CDC123: variants seen among roughly 807,000 people sequenced by gnomAD.
CDC123 encodes the protein translation initiation factor eIF2 assembly protein.
In CDC123, 37 loss-of-function variants were observed where a neutral mutation model predicts 54.4. The observed-to-expected ratio is 0.68, with a 90% CI of 0.52 to 0.89. The LOEUF is 0.89. CDC123 is among the 40% of genes least tolerant of loss of function. The probability of loss-of-function intolerance (pLI) is 0.00; values close to 1 mark genes in which losing one functional copy is unlikely to be tolerated. For synonymous variants in CDC123, 144 were observed against 136.8 expected (o/e 1.05, Z -0.37); for missense variants, 361 against 412.1 (o/e 0.88, Z 1.07).
In CDC123 at chr10:12,247,844, C is replaced by CA. The variant is rs532339138; in HGVS notation, c.846+1577dup. The CA allele has an allele frequency of 7.8e-4, 116 of 149,402 alleles. No individual in the cohort carries two copies. In the Middle Eastern group the frequency reaches 0.014, roughly 18 times the overall value. The allele number at this position is 149,402 out of a possible 1,614,324, so 9.3% of individuals were successfully genotyped here. On this transcript the variant is annotated intron_variant, in intron 11 of 12. Coordinates refer to ENST00000281141, the MANE Select transcript of CDC123 (RefSeq NM_006023.3). Reference sequence around the variant, plus strand: ...TGAAAACCTGTCTCTACTAAAAATACAAAAAAAAAATTAGCCGGGCGTGGT... The same window carrying CA: ...TGAAAACCTGTCTCTACTAAAAATACAAAAAAAAAAATTAGCCGGGCGTGGT...
chr10:12,229,965 C>T (rs931067497), intron 6 of CDC123, among the ~76,000 whole-genome samples: 19 of 148,676 alleles, frequency 1.3e-4, no homozygotes, highest in African/African-American at 3.6e-4. Flanking sequence ...TGGACAATGA[C>T]AGTGCCTTCC....
intron 2 of CDC123, 135 bp from the exon 3 acceptor site, chr10:12,209,832 A>C: frequency 1.3e-6 from 1 of 767,136 alleles, no homozygotes; most frequent in Non-Finnish European, 2.2e-6. Context: ...CCAGAGTGCT[A>C]GGATTACAGG....
rs1000642056 is a variant in CDC123 at position 12,206,872 on chromosome 10, T to C, written c.147-3095T>C. ...TACTCGGGAGGCTGAGGCAGGAGAA[T>C]GGCCTGAACCCGGGAGGTAGACCTT... is the stretch of plus-strand genomic sequence containing the variant. On this transcript the variant is annotated intron_variant, in intron 2 of 12. Transcript: ENST00000281141. Among the ~76,000 whole-genome samples, 3 of 147,222 alleles carry C rather than the reference T, an allele frequency of 2.0e-5. No individual in the cohort carries two copies. The Admixed American group carries it at 2.1e-4, about 10-fold the overall frequency.
Position 12,209,820 on chromosome 10 carries a change from T to A in CDC123, c.147-147T>A. 9.8e-6 allele frequency: 7 copies of A among 715,658 alleles called. No individual in the cohort carries two copies. The South Asian group carries it at 9.9e-5, about 10-fold the overall frequency. 44.3% of individuals were successfully genotyped at this position (715,658 alleles called of 1,614,324 possible). On this transcript the variant is annotated intron_variant, in intron 2 of 12. Transcript: ENST00000281141. Reference sequence around the variant, plus strand: ...CCTCAAGCGATCCACTCACTCAGCCTGCCAGAGTGCTAGGATTACAGGTGT... The same window carrying A: ...CCTCAAGCGATCCACTCACTCAGCCAGCCAGAGTGCTAGGATTACAGGTGT...
At chr10:12,238,315 A>C (rs1160814944) in intron 9 of CDC123, 142 bp from the exon 10 acceptor site, 1 of 843,334 alleles carries the variant, frequency 1.2e-6, no homozygotes. Flanking sequence ...TTATGTTTGA[A>C]GTTTTGAGGT....
chr10:12,249,549 G>T, intron 11 of CDC123, 32 bp from the exon 12 acceptor site: 1 of 1,597,024 alleles, frequency 6.3e-7, no homozygotes, highest in South Asian at 1.1e-5. Flanking sequence ...ATAAATGATT[G>T]ATATTCTTTC....
At position 12,217,406 on chromosome 10, in the gene CDC123, C is replaced by G. The variant is rs1835676815; in HGVS notation, c.379C>G (p.Leu127Val). Residue 127 changes from leucine (L) to valine (V), a missense_variant, in exon 6 of 13, where the codon CTC (leucine) becomes GTC (valine). Transcript: ENST00000281141. The stretch of plus-strand genomic sequence containing the variant: ...GAATAGTTCTCTGAAATGTAAAACC[C>G]TCAGCGACATCTTTCTGCTTTTCAA... Reference protein sequence around the residue: ...AMNSSLKCKTLSDIFLLFKSS... With the variant: ...AMNSSLKCKTVSDIFLLFKSS... 1 of 1,613,876 alleles carries G rather than the reference C, an allele frequency of 6.2e-7. No homozygotes were observed. The highest frequency in any genetic ancestry group is 1.3e-5 in the African/African-American group (1 of 74,922).
At position 12,211,019 on chromosome 10, in the gene CDC123, G is replaced by A. The variant is rs564235881; in HGVS notation, c.237+697G>A. Among the ~76,000 whole-genome samples the A allele has an allele frequency of 6.6e-5, 10 of 152,160 alleles. No homozygotes were observed. The East Asian group carries it at 1.9e-3, about 29-fold the overall frequency. Reference sequence around the variant, plus strand: ...ACCTGGCCTCAAGCGTATTTAAATGGCATAAAAATTACTGTTTCTTTCAAG... The same window carrying A: ...ACCTGGCCTCAAGCGTATTTAAATGACATAAAAATTACTGTTTCTTTCAAG... On this transcript the variant is annotated intron_variant, in intron 4 of 12. Transcript: ENST00000281141.
chr10:12,237,336 G>A, intron 9 of CDC123, 70 bp downstream of exon 9: 1 of 1,281,300 alleles, frequency 7.8e-7, no homozygotes, highest in Non-Finnish European at 1.0e-6. Flanking sequence ...TATTTACTAT[G>A]GTGTGTATCC....
intron 10 of CDC123, among the ~76,000 whole-genome samples, chr10:12,240,362 C>T (rs2131764740): frequency 6.6e-6 from 1 of 152,324 alleles, no homozygotes; most frequent in South Asian, 2.1e-4. Flanking sequence ...CTCATTCTCT[C>T]TCCGTGCTTA....
At chr10:12,196,949 A>G (rs757477210) in intron 1 of CDC123, among the ~76,000 whole-genome samples, 1 of 152,252 alleles carries the variant, frequency 6.6e-6, no homozygotes, top group South Asian at 2.1e-4. Flanking sequence ...AAAGGCGTTG[A>G]TAGAAAATCT....
At chr10:12,212,132 C>T (rs1218029073) in intron 4 of CDC123, among the ~76,000 whole-genome samples, 2 of 152,224 alleles carry the variant, frequency 1.3e-5, no homozygotes, top group African/African-American at 2.4e-5. Context: ...ATGATAGATA[C>T]AGCAATTAAT....
intron 6 of CDC123, among the ~76,000 whole-genome samples, chr10:12,219,160 G>A (rs865906927): frequency 1.3e-5 from 2 of 152,192 alleles, no homozygotes; most frequent in Non-Finnish European, 2.9e-5. Context: ...CGTGTCGGTC[G>A]TGCATCAACT....
At chr10:12,246,359 C>T (rs1391018914) in intron 11 of CDC123, 82 bp downstream of exon 11, 29 of 1,498,320 alleles carry the variant, frequency 1.9e-5, no homozygotes, top group Admixed American at 1.6e-4. Flanking sequence ...CATAGGTAGG[C>T]GGCAATGGCC....
rs1039406626 is a variant in CDC123 at position 12,246,072 on chromosome 10, A to G, written c.718-77A>G. 1.5e-5 allele frequency: 23 copies of G among 1,494,968 alleles called. No individual in the cohort carries two copies. The South Asian group carries it at 2.2e-4, about 14-fold the overall frequency. 92.6% of individuals were successfully genotyped at this position (1,494,968 alleles called of 1,614,324 possible). A position where few individuals can be genotyped will look rare whatever the true frequency, so the allele number is the denominator to read the frequency against. ...GCAACAGCATGAGACCCTGTCTCAG[A>G]ATAAAAAAGTGTTTCTTTCTCAGAA... On this transcript the variant is annotated intron_variant, in intron 10 of 12. Coordinates refer to ENST00000281141, the MANE Select transcript of CDC123 (RefSeq NM_006023.3).
chr10:12,208,586 T>G (rs369717571), intron 2 of CDC123, among the ~76,000 whole-genome samples: 1 of 152,198 alleles, frequency 6.6e-6, no homozygotes, highest in Non-Finnish European at 1.5e-5. Context: ...GTACTTGTGC[T>G]GTGTCCTGAA....
At chr10:12,250,018 C>T in intron 12 of CDC123, 1 of 478,122 alleles carries the variant, frequency 2.1e-6, no homozygotes. Flanking sequence ...GAGAGCAGGT[C>T]TCTGCTCTGG....
chr10:12,235,161 G>A (rs1175748108), intron 8 of CDC123, 38 bp downstream of exon 8: 3 of 1,525,968 alleles, frequency 2.0e-6, no homozygotes, highest in African/African-American at 2.7e-5. Context: ...ATCCTTCAAA[G>A]TCATCTTTAA....
chr10:12,210,001 G>A lies in CDC123; in HGVS notation c.181G>A (p.Asp61Asn). The change falls in exon 3 of 13, where the codon GAT (aspartate) becomes AAT (asparagine). Residue 61 changes from aspartate to asparagine, a missense_variant. Transcript: ENST00000281141. ...DPPTHSQPDS[D>N]DEAEEIQWSD... ...ACCAACACATTCTCAGCCAGACAGTGATGATGAAGCAGAAGAAATACAGGT... is the reference window on the plus strand; with the variant it reads ...ACCAACACATTCTCAGCCAGACAGTAATGATGAAGCAGAAGAAATACAGGT... 6.2e-7 allele frequency: 1 copy of A among 1,614,174 alleles called. No individual in the cohort carries two copies. Among genetic ancestry groups the A allele is most frequent in the South Asian group, 1.1e-5 (1 of 91,078 alleles).
Sources: allele counts gnomAD v4.1 joint callset (sites outside exome capture counted in the v4.1 genomes callset), GRCh38; gene constraint gnomAD v4.1.1; transcripts MANE v1.5; gene names NCBI Gene and HGNC (gene_info 2026-07-23, HGNC 2026-07-21).